Variants in ZDHHC14 observed in about 807,000 individuals in gnomAD.
The protein encoded by ZDHHC14 is zDHHC palmitoyltransferase 14.
A neutral mutation model predicts 47.7 loss-of-function variants in ZDHHC14; 16 were observed. The ratio of observed to expected loss-of-function variants is 0.34; its 90% CI spans 0.23 to 0.51. The LOEUF (loss-of-function observed/expected upper bound fraction) is 0.51. Among genes scored for constraint, ZDHHC14 ranks in the 20% least tolerant of loss-of-function variants. ZDHHC14 has a pLI of 0.97. For synonymous variants in ZDHHC14, 293 were observed against 278.9 expected, an observed-to-expected ratio of 1.05 and a Z score of -0.50; for missense variants, 515 against 662.5, an observed-to-expected ratio of 0.78 and a Z score of 2.44.
rs111372587 is a variant in ZDHHC14 at position 157,445,840 on chromosome 6, A to G, written c.245+63574A>G. Among the ~76,000 whole-genome samples, 327 of 152,280 alleles carry G rather than the reference A, an allele frequency of 2.1e-3. 1 individual carries two copies. Among genetic ancestry groups the G allele is most frequent in the South Asian group, 3.7e-3 (18 of 4,820 alleles). On this transcript the variant is annotated intron_variant, in intron 1 of 8. Transcript: ENST00000359775. Reference sequence around the variant, plus strand: ...TAAGCCTAAATGCTATCAAATGCCTAGTGTTTAGTAGTTATGAAACCGAGG... The same window carrying G: ...TAAGCCTAAATGCTATCAAATGCCTGGTGTTTAGTAGTTATGAAACCGAGG...
At chr6:157,454,193 T>C (rs766697182) in intron 1 of ZDHHC14, among the ~76,000 whole-genome samples, 4 of 152,212 alleles carry the variant, frequency 2.6e-5, no homozygotes, top group Admixed American at 6.5e-5. Context: ...CCAGCCATTG[T>C]ATCAGCACTT....
At chr6:157,445,144 A>ACACACACACT (rs376300431) in intron 1 of ZDHHC14, among the ~76,000 whole-genome samples, 124 of 146,948 alleles carry the variant, frequency 8.4e-4, no homozygotes, top group African/African-American at 2.3e-3. Flanking sequence ...ACACACACAC[A>ACACACACACT]CTCTTCATAT....
intron 1 of ZDHHC14, among the ~76,000 whole-genome samples, chr6:157,405,879 GGT>G (rs1346525536): frequency 6.6e-6 from 1 of 152,082 alleles, no homozygotes; most frequent in African/African-American, 2.4e-5. Flanking sequence ...TGATGGAGCG[GGT>G]GTGCTAACAT....
chr6:157,486,279 G>A (rs907396577), intron 1 of ZDHHC14, among the ~76,000 whole-genome samples: 11 of 152,252 alleles, frequency 7.2e-5, no homozygotes, highest in Admixed American at 2.6e-4. Context: ...GAACTTGGCC[G>A]TATGGTAGAC....
chr6:157,615,440 T>C (rs1019325164), intron 3 of ZDHHC14, among the ~76,000 whole-genome samples: 1 of 152,174 alleles, frequency 6.6e-6, no homozygotes, highest in African/African-American at 2.4e-5. Context: ...ATTTGTAGAG[T>C]TCCTGCTGCT....
intron 1 of ZDHHC14, among the ~76,000 whole-genome samples, chr6:157,452,735 C>G (rs1009423597): frequency 8.6e-6 from 1 of 116,398 alleles, no homozygotes; most frequent in African/African-American, 3.3e-5. Flanking sequence ...CGGAGTCTCA[C>G]TCTGTCACCC....
At chr6:157,604,576 C>T (rs4709429) in intron 3 of ZDHHC14, among the ~76,000 whole-genome samples, 44,414 of 150,548 alleles carry the variant, frequency 0.3, 7,043 homozygotes, top group East Asian at 0.57. Context: ...GAGACGGATT[C>T]TTGCTCTGTT....
At chr6:157,522,381 G>A (rs577209588) in intron 1 of ZDHHC14, among the ~76,000 whole-genome samples, 1 of 152,264 alleles carries the variant, frequency 6.6e-6, no homozygotes, top group South Asian at 2.1e-4. Context: ...ATGAGAAACT[G>A]GTACATCTAG....
intron 7 of ZDHHC14, among the ~76,000 whole-genome samples, chr6:157,650,831 C>T (rs1179107080): frequency 6.6e-6 from 1 of 152,196 alleles, no homozygotes; most frequent in East Asian, 1.9e-4. Context: ...CACCCATCAG[C>T]TAGTCCTGTC....
intron 2 of ZDHHC14, among the ~76,000 whole-genome samples, chr6:157,545,799 C>A (rs1781947759): frequency 6.6e-6 from 1 of 152,132 alleles, no homozygotes; most frequent in Admixed American, 6.5e-5. Context: ...TGAATCCTGG[C>A]TCACCCTTTC....
intron 1 of ZDHHC14, among the ~76,000 whole-genome samples, chr6:157,441,279 G>A (rs1039116646): frequency 1.3e-5 from 2 of 152,180 alleles, no homozygotes; most frequent in East Asian, 1.9e-4. Flanking sequence ...GCAGGTTTCC[G>A]ATCATTTGAG....
At position 157,533,676 on chromosome 6, in the gene ZDHHC14, G is replaced by A. The variant is rs1367213562; in HGVS notation, c.246-8909G>A. On this transcript the variant is annotated intron_variant, in intron 1 of 8. Coordinates refer to ENST00000359775, the MANE Select transcript of ZDHHC14 (RefSeq NM_024630.3). ...TGGCTTTAGTTCTGAGCAGAGGAGG[G>A]ACGTGCTCTGGCTTGAGCTGGTGCA... is the stretch of plus-strand genomic sequence containing the variant. Among the ~76,000 whole-genome samples the A allele has an allele frequency of 2.0e-5, 3 of 152,212 alleles. No individual in the cohort carries two copies. In the East Asian group the frequency reaches 5.8e-4, roughly 29 times the overall value.
intron 1 of ZDHHC14, among the ~76,000 whole-genome samples, chr6:157,456,514 G>C (rs1051196247): frequency 1.3e-5 from 2 of 152,126 alleles, no homozygotes; most frequent in East Asian, 3.9e-4. Flanking sequence ...AGCGCTGTTA[G>C]GGACCTGACG....
At chr6:157,504,192 A>T (rs1037697981) in intron 1 of ZDHHC14, among the ~76,000 whole-genome samples, 3 of 151,308 alleles carry the variant, frequency 2.0e-5, no homozygotes, top group South Asian at 2.1e-4. Context: ...GCATATATAT[A>T]TTTTTTTTTT....
intron 1 of ZDHHC14, among the ~76,000 whole-genome samples, chr6:157,419,888 AT>A (rs1375014067): frequency 2.0e-5 from 3 of 152,180 alleles, no homozygotes; most frequent in African/African-American, 4.8e-5. Flanking sequence ...TGGCTACACC[AT>A]TTTTCATTTC....
chr6:157,627,278 C>T (rs567200997), intron 3 of ZDHHC14, among the ~76,000 whole-genome samples: 27 of 152,130 alleles, frequency 1.8e-4, no homozygotes, highest in Non-Finnish European at 3.2e-4. Flanking sequence ...ATAGCACTCC[C>T]GGTATATTTT....
At chr6:157,443,318 A>T (rs1462923919) in intron 1 of ZDHHC14, among the ~76,000 whole-genome samples, 1 of 152,096 alleles carries the variant, frequency 6.6e-6, no homozygotes, top group Non-Finnish European at 1.5e-5. Context: ...TCCTTTATAG[A>T]TTACCCAGTC....
At position 157,581,333 on chromosome 6, in the gene ZDHHC14, G is replaced by A. The variant is rs557597623; in HGVS notation, c.407-11655G>A. 2.0e-5 allele frequency among the ~76,000 whole-genome samples: 3 copies of A among 150,074 alleles called. No homozygotes were observed. The South Asian group carries it at 6.3e-4, about 32-fold the overall frequency. On this transcript the variant is annotated intron_variant, in intron 2 of 8. Transcript: ENST00000359775. ...TTTAATTTGCTGAGGATTGTTTTAT[G>A]TCTGATTGTGTGGTCAATTTAAGAG...
chr6:157,489,899 C>T (rs1250811056), intron 1 of ZDHHC14, among the ~76,000 whole-genome samples: 1 of 152,068 alleles, frequency 6.6e-6, no homozygotes, highest in Non-Finnish European at 1.5e-5. Context: ...GCTCTGGCTG[C>T]TGAGAGAAGA....
Sources: gnomAD v4.1 joint callset for allele counts (sites outside exome capture counted in the v4.1 genomes callset) on GRCh38, gnomAD v4.1.1 for gene constraint, MANE v1.5 for transcripts, NCBI Gene and HGNC (gene_info 2026-07-23, HGNC 2026-07-21) for gene names.